LOC128706665: variants seen among roughly 807,000 people sequenced by gnomAD.
chr20:10,417,809 G>C, the LOC128706665 span, among the ~76,000 whole-genome samples: 5 of 151,990 alleles, frequency 3.3e-5, no homozygotes, highest in Non-Finnish European at 7.4e-5. Flanking sequence ...ACAAATGAAA[G>C]TAGCCTCTTG....
the LOC128706665 span, among the ~76,000 whole-genome samples, chr20:10,418,258 G>C: frequency 6.6e-6 from 1 of 152,160 alleles, no homozygotes; most frequent in African/African-American, 2.4e-5. Context: ...CTGGCAAAAC[G>C]CTGTTAACTA....
chr20:10,413,958 A>G, the LOC128706665 span: 2 of 404,434 alleles, frequency 4.9e-6, no homozygotes, highest in African/African-American at 4.1e-5. Context: ...AAAACATTTT[A>G]GAGAAATACT....
the LOC128706665 span, among the ~76,000 whole-genome samples, chr20:10,429,948 T>G: frequency 1.3e-5 from 2 of 152,224 alleles, no homozygotes; most frequent in Non-Finnish European, 2.9e-5. Context: ...TAGGTAATTC[T>G]GAAGCTAAAG....
the LOC128706665 span, among the ~76,000 whole-genome samples, chr20:10,423,150 A>G: frequency 6.6e-6 from 1 of 152,160 alleles, no homozygotes; most frequent in Non-Finnish European, 1.5e-5. Context: ...ATAAAAAGAG[A>G]TTAGGGCCAG....
the LOC128706665 span, among the ~76,000 whole-genome samples, chr20:10,430,964 ACCT>A: frequency 1.3e-5 from 2 of 152,138 alleles, no homozygotes; most frequent in African/African-American, 4.8e-5. Context: ...TCAAAGTCTA[ACCT>A]CCACCACAAA....
chr20:10,417,895 C>A, the LOC128706665 span, among the ~76,000 whole-genome samples: 1 of 151,962 alleles, frequency 6.6e-6, no homozygotes, highest in Admixed American at 6.6e-5. Context: ...AAGCAATCAG[C>A]CAAACTGAGA....
the LOC128706665 span, among the ~76,000 whole-genome samples, chr20:10,433,883 C>T: frequency 2.0e-5 from 3 of 152,226 alleles, no homozygotes; most frequent in Non-Finnish European, 4.4e-5. Flanking sequence ...TCCTCGCCGC[C>T]CGCATCCGTG....
At chr20:10,418,078 TAAAG>T in the LOC128706665 span, among the ~76,000 whole-genome samples, 15 of 152,208 alleles carry the variant, frequency 9.9e-5, no homozygotes, top group Non-Finnish European at 1.6e-4. Context: ...AAATTGTAGG[TAAAG>T]AGTCACTGTT....
At chr20:10,419,556 C>G in the LOC128706665 span, among the ~76,000 whole-genome samples, 1 of 152,000 alleles carries the variant, frequency 6.6e-6, no homozygotes, top group African/African-American at 2.4e-5. Context: ...AGCACTAAAC[C>G]CTATATATAC....
chr20:10,414,456 G>A, the LOC128706665 span, among the ~76,000 whole-genome samples: 4 of 151,912 alleles, frequency 2.6e-5, no homozygotes, highest in Non-Finnish European at 4.4e-5. Context: ...GTAGAGATGG[G>A]GTTTCTCCAT....
At chr20:10,431,685 C>T in the LOC128706665 span, 1 of 152,288 alleles carries the variant, frequency 6.6e-6, no homozygotes, top group East Asian at 1.9e-4. Flanking sequence ...TTTACTTACT[C>T]CATCTTTAGT....
the LOC128706665 span, among the ~76,000 whole-genome samples, chr20:10,420,356 A>G: frequency 1.3e-5 from 2 of 152,194 alleles, no homozygotes; most frequent in Non-Finnish European, 2.9e-5. Flanking sequence ...ATGTCTCTGC[A>G]CAACGAACTT....
At chr20:10,415,406 A>G in the LOC128706665 span, among the ~76,000 whole-genome samples, 3 of 152,308 alleles carry the variant, frequency 2.0e-5, no homozygotes, top group Non-Finnish European at 2.9e-5. Context: ...TGTTATGCAA[A>G]TGTTATTTTG....
At chr20:10,429,257 T>C in the LOC128706665 span, among the ~76,000 whole-genome samples, 1 of 152,220 alleles carries the variant, frequency 6.6e-6, no homozygotes, top group African/African-American at 2.4e-5. Flanking sequence ...AGCCTTTTGA[T>C]GTGTTCTTGA....
At chr20:10,416,661 G>A in the LOC128706665 span, among the ~76,000 whole-genome samples, 1 of 152,092 alleles carries the variant, frequency 6.6e-6, no homozygotes, top group Admixed American at 6.6e-5. Context: ...TGCATTTTGG[G>A]GTAACTGAAT....
the LOC128706665 span, among the ~76,000 whole-genome samples, chr20:10,432,789 CA>C: frequency 0.068 from 5,059 of 74,178 alleles, 92 homozygotes; most frequent in East Asian, 0.21. Flanking sequence ...GACTCTTTGT[CA>C]AAAAAAAAAA....
chr20:10,428,771 A>C, the LOC128706665 span, among the ~76,000 whole-genome samples: 2 of 152,204 alleles, frequency 1.3e-5, no homozygotes, highest in Non-Finnish European at 2.9e-5. Context: ...TCCAGGAGGC[A>C]GAGGTTACAT....
chr20:10,414,395 G>A, the LOC128706665 span, among the ~76,000 whole-genome samples: 1 of 151,402 alleles, frequency 6.6e-6, no homozygotes. Flanking sequence ...CCTCCTCAGT[G>A]GCAGGGATTA....
chr20:10,418,016 GA>G, the LOC128706665 span, among the ~76,000 whole-genome samples: 55 of 152,246 alleles, frequency 3.6e-4, no homozygotes, highest in East Asian at 9.6e-3. Flanking sequence ...CAAACCACCT[GA>G]AAAGATTTTT....
Sources: gnomAD v4.1 joint callset for allele counts (sites outside exome capture counted in the v4.1 genomes callset) on GRCh38, gnomAD v4.1.1 for gene constraint, MANE v1.5 for transcripts.